Variants in RORA observed in about 807,000 individuals in gnomAD.
RORA encodes the protein nuclear receptor ROR-alpha.
Under a neutral mutation model 69.5 loss-of-function variants are expected in RORA, and 7 were observed. The observed-to-expected ratio is 0.10, with a 90% confidence interval of 0.06 to 0.19. The LOEUF is 0.19. RORA is among the 10% of genes least tolerant of loss of function. The pLI, the probability that RORA is intolerant of heterozygous loss-of-function variation, is 1.00. For missense variants in RORA, 457 were observed against 663.0 expected (o/e 0.69, Z 3.41); for synonymous variants, 261 against 240.8 (o/e 1.08, Z -0.78).
chr15:60,762,599 C>T (rs953900322), intron 1 of RORA, among the ~76,000 whole-genome samples: 2 of 152,046 alleles, frequency 1.3e-5, no homozygotes, highest in African/African-American at 4.8e-5. Flanking sequence ...AAAGGAGCAT[C>T]TCCAGGTTGC....
rs747990229 is a variant in RORA at position 60,579,442 on chromosome 15, C to T, written c.197-47591G>A. 4.6e-4 allele frequency among the ~76,000 whole-genome samples: 62 copies of T among 134,836 alleles called. 1 individual carries two copies. The highest frequency in any genetic ancestry group is 6.4e-5 in the Non-Finnish European group (4 of 62,700). 88.5% of individuals were successfully genotyped at this position (134,836 alleles called of 152,430 possible). On this transcript the variant is annotated intron_variant, in intron 2 of 10. Coordinates refer to ENST00000335670, the MANE Select transcript of RORA (RefSeq NM_134261.3). ...GATTTAAAAGGTTTATTTCTGTCTCCACTCTCCTGCCCTTCCTGCTTAAAA... is the reference window on the plus strand; with the variant it reads ...GATTTAAAAGGTTTATTTCTGTCTCTACTCTCCTGCCCTTCCTGCTTAAAA...
At chr15:60,724,821 C>T (rs1237150996) in intron 1 of RORA, among the ~76,000 whole-genome samples, 1 of 152,176 alleles carries the variant, frequency 6.6e-6, no homozygotes, top group Non-Finnish European at 1.5e-5. Flanking sequence ...GAGGGTCCCA[C>T]CACTTTCCGG....
chr15:60,613,945 T>TG (rs2069161956), intron 2 of RORA, among the ~76,000 whole-genome samples: 1 of 132,372 alleles, frequency 7.6e-6, no homozygotes, highest in Non-Finnish European at 1.6e-5. Context: ...GGAAATTATG[T>TG]GAAAAAAAAA....
chr15:61,148,719 TG>T (rs1330591710), intron 1 of RORA, among the ~76,000 whole-genome samples: 1 of 152,200 alleles, frequency 6.6e-6, no homozygotes, highest in Non-Finnish European at 1.5e-5. Context: ...TCTAACCAAA[TG>T]TCCAATATTA....
At position 60,876,138 on chromosome 15, in the gene RORA, C is replaced by G. The variant is rs185349808; in HGVS notation, c.167-197452G>C. On this transcript the variant is annotated intron_variant, in intron 1 of 10. Coordinates refer to ENST00000335670, the MANE Select transcript of RORA (RefSeq NM_134261.3). ...CAGATTTCTACTATTTCAAGCAAAT[C>G]AAGCCACAATAGCATAAATGTTCTT... Among the ~76,000 whole-genome samples the G allele has an allele frequency of 3.0e-3, 461 of 152,290 alleles. 2 individuals are homozygous for G. The highest frequency in any genetic ancestry group is 0.011 in the African/African-American group (439 of 41,558).
intron 1 of RORA, among the ~76,000 whole-genome samples, chr15:60,833,041 A>T (rs2073067306): frequency 1.3e-5 from 2 of 151,378 alleles, no homozygotes; most frequent in Non-Finnish European, 2.9e-5. Flanking sequence ...AGTAGCTGGG[A>T]CTACAGGCGC....
At chr15:60,751,291 A>C (rs2071719786) in intron 1 of RORA, among the ~76,000 whole-genome samples, 2 of 152,174 alleles carry the variant, frequency 1.3e-5, no homozygotes, top group Non-Finnish European at 2.9e-5. Flanking sequence ...CATCAGGAGG[A>C]ATTGGCAGTT....
chr15:60,932,524 G>A (rs1484075706), intron 1 of RORA, among the ~76,000 whole-genome samples: 1 of 152,158 alleles, frequency 6.6e-6, no homozygotes, highest in Non-Finnish European at 1.5e-5. Context: ...TCTCCATGTA[G>A]TGCAAGGAAA....
At chr15:60,775,163 T>C (rs955927295) in intron 1 of RORA, among the ~76,000 whole-genome samples, 1 of 152,210 alleles carries the variant, frequency 6.6e-6, no homozygotes, top group Non-Finnish European at 1.5e-5. Flanking sequence ...GAATTTGCCT[T>C]CAGCACTAGT....
At chr15:60,846,647 T>C (rs1231125617) in intron 1 of RORA, among the ~76,000 whole-genome samples, 1 of 152,164 alleles carries the variant, frequency 6.6e-6, no homozygotes, top group Non-Finnish European at 1.5e-5. Context: ...TCAAAAATGG[T>C]CAAGCTGCCT....
intron 1 of RORA, among the ~76,000 whole-genome samples, chr15:60,834,960 G>A (rs1230130408): frequency 4.0e-5 from 6 of 151,832 alleles, no homozygotes; most frequent in Non-Finnish European, 7.4e-5. Flanking sequence ...CGACAAGCTC[G>A]GCATCACTGA....
At chr15:60,787,928 C>A (rs1158809483) in intron 1 of RORA, among the ~76,000 whole-genome samples, 1 of 152,228 alleles carries the variant, frequency 6.6e-6, no homozygotes, top group Non-Finnish European at 1.5e-5. Context: ...ACCCTTGTGG[C>A]TGCTGGGGAT....
At chr15:60,541,272 G>A (rs1321784153) in intron 2 of RORA, among the ~76,000 whole-genome samples, 1 of 152,106 alleles carries the variant, frequency 6.6e-6, no homozygotes, top group Non-Finnish European at 1.5e-5. Context: ...CAAGTTCTAA[G>A]CCTTTCAAAT....
intron 1 of RORA, among the ~76,000 whole-genome samples, chr15:61,008,584 AT>A (rs1894993893): frequency 6.6e-6 from 1 of 152,212 alleles, no homozygotes. Context: ...CCTGTGACTT[AT>A]AACTACAATC....
intron 1 of RORA, among the ~76,000 whole-genome samples, chr15:61,059,989 G>T (rs1236430413): frequency 8.9e-5 from 4 of 45,092 alleles, no homozygotes; most frequent in African/African-American, 2.7e-4. Context: ...AGAGGAAGAG[G>T]AAGAAGAAGA....
chr15:61,086,789 A>C (rs2078631994), intron 1 of RORA, among the ~76,000 whole-genome samples: 1 of 152,130 alleles, frequency 6.6e-6, no homozygotes, highest in Non-Finnish European at 1.5e-5. Flanking sequence ...TTTTTTAAAT[A>C]AAGTTTTATT....
intron 1 of RORA, among the ~76,000 whole-genome samples, chr15:60,715,851 C>T (rs1225139198): frequency 1.3e-5 from 2 of 152,070 alleles, no homozygotes; most frequent in African/African-American, 4.8e-5. Flanking sequence ...TAGTTCAAGT[C>T]ATCAGTCTTA....
At chr15:60,727,927 C>T (rs2071381980) in intron 1 of RORA, among the ~76,000 whole-genome samples, 1 of 152,194 alleles carries the variant, frequency 6.6e-6, no homozygotes, top group South Asian at 2.1e-4. Flanking sequence ...CCTGGCTTCA[C>T]CTCCTCCTGG....
intron 1 of RORA, among the ~76,000 whole-genome samples, chr15:60,885,120 C>G (rs750967501): frequency 3.7e-4 from 56 of 152,162 alleles, no homozygotes; most frequent in Non-Finnish European, 7.1e-4. Flanking sequence ...GGTTTGATTT[C>G]CACTGGCCTT....
Sources: allele counts gnomAD v4.1 joint callset (sites outside exome capture counted in the v4.1 genomes callset), GRCh38; gene constraint gnomAD v4.1.1; transcripts MANE v1.5; gene names NCBI Gene and HGNC (gene_info 2026-07-23, HGNC 2026-07-21).